E2F6: variants seen among roughly 807,000 people sequenced by gnomAD.
E2F6 encodes E2F transcription factor 6, also known as transcription factor E2F6.
E2F6 carries 19 observed loss-of-function variants against 31.5 expected under a neutral mutation model. The observed-to-expected ratio is 0.60, with a 90% CI of 0.42 to 0.89. The LOEUF (loss-of-function observed/expected upper bound fraction) is 0.89, where lower values mean the gene tolerates loss of function less well. Among genes scored for constraint, E2F6 ranks in the 40% least tolerant of loss-of-function variants. The pLI is 0.00. For missense variants in E2F6, 269 were observed against 341.6 expected (o/e 0.79, Z 1.67); for synonymous variants, 121 against 127.7 (o/e 0.95, Z 0.36).
intron 1 of E2F6, among the ~76,000 whole-genome samples, chr2:11,462,326 T>TATAC (rs936521971): frequency 1.3e-5 from 2 of 152,212 alleles, no homozygotes; most frequent in Admixed American, 1.3e-4. Flanking sequence ...TATTTTTTCG[T>TATAC]ATACATACAT....
At chr2:11,461,281 T>C (rs1189846018) in intron 1 of E2F6, among the ~76,000 whole-genome samples, 2 of 152,212 alleles carry the variant, frequency 1.3e-5, no homozygotes, top group Non-Finnish European at 2.9e-5. Flanking sequence ...GACCCCACTC[T>C]TTCCCAACCA....
intron 1 of E2F6, among the ~76,000 whole-genome samples, chr2:11,464,726 G>A (rs905520261): frequency 6.6e-6 from 1 of 152,058 alleles, no homozygotes; most frequent in Non-Finnish European, 1.5e-5. Context: ...GCAAGCCGGC[G>A]TTACATGCAT....
chr2:11,454,349 T>C (rs1309829548), intron 2 of E2F6, among the ~76,000 whole-genome samples: 1 of 149,814 alleles, frequency 6.7e-6, no homozygotes, highest in Non-Finnish European at 1.5e-5. Flanking sequence ...GTGGTATCTC[T>C]CTCTTTTTTT....
chr2:11,448,080 A>G (rs1194523499), intron 5 of E2F6, among the ~76,000 whole-genome samples: 1 of 152,186 alleles, frequency 6.6e-6, no homozygotes, highest in African/African-American at 2.4e-5. Context: ...AGAATACCCT[A>G]GAGTCTCACA....
chr2:11,459,679 C>G (rs7584175), intron 1 of E2F6, among the ~76,000 whole-genome samples: 44,999 of 151,732 alleles, frequency 0.3, 8,236 homozygotes, highest in East Asian at 0.61. Flanking sequence ...GTCAGGAGTT[C>G]AAGACCAGCC....
At chr2:11,457,325 T>A (rs1671468492) in intron 1 of E2F6, 92 bp from the exon 2 acceptor site, 2 of 816,456 alleles carry the variant, frequency 2.4e-6, no homozygotes, top group Non-Finnish European at 4.0e-6. Context: ...GGTCTGGGAA[T>A]ATGAATATGA....
intron 1 of E2F6, among the ~76,000 whole-genome samples, chr2:11,459,306 A>C (rs1671615697): frequency 6.6e-6 from 1 of 152,146 alleles, no homozygotes; most frequent in African/African-American, 2.4e-5. Context: ...TCTCTGCTAC[A>C]CACCTCCCTA....
Position 11,447,650 on chromosome 2 carries a change from G to A in E2F6, c.776C>T (p.Thr259Ile), listed in dbSNP as rs1670801752. 2.5e-6 allele frequency: 4 copies of A among 1,611,972 alleles called. No homozygotes were observed. Among genetic ancestry groups the A allele is most frequent in the Non-Finnish European group, 3.4e-6 (4 of 1,179,866 alleles). ...ACCTTCCTCAGGGCCTTCTGGATGAGTGCTCTCAGATGAAGAGGTCCCGAC... is the reference window on the plus strand; with the variant it reads ...ACCTTCCTCAGGGCCTTCTGGATGAATGCTCTCAGATGAAGAGGTCCCGAC... Reference protein sequence around the residue: ...EGVGTSSSESTHPEGPEEEEN... With the variant: ...EGVGTSSSESIHPEGPEEEEN... The change falls in exon 6 of 7, where the codon ACT (threonine) becomes ATT (isoleucine). Residue 259 changes from threonine to isoleucine, a missense_variant. Coordinates refer to ENST00000381525, the MANE Select transcript of E2F6 (RefSeq NM_198256.4).
intron 4 of E2F6, 46 bp from the exon 5 acceptor site, chr2:11,450,172 G>A: frequency 7.6e-7 from 1 of 1,319,996 alleles, no homozygotes; most frequent in South Asian, 1.3e-5. Flanking sequence ...GTTTACTGGG[G>A]AGGTAATTTA....
intron 1 of E2F6, among the ~76,000 whole-genome samples, chr2:11,462,739 C>A (rs1382713124): frequency 6.6e-6 from 1 of 152,190 alleles, no homozygotes; most frequent in African/African-American, 2.4e-5. Context: ...AGCATGGGAA[C>A]TCTGGACAAA....
At chr2:11,458,795 G>T (rs147551881) in intron 1 of E2F6, among the ~76,000 whole-genome samples, 1 of 152,256 alleles carries the variant, frequency 6.6e-6, no homozygotes. Flanking sequence ...TACTCCCATT[G>T]AGACAGAATC....
intron 1 of E2F6, among the ~76,000 whole-genome samples, chr2:11,464,843 T>C (rs1013880905): frequency 6.6e-6 from 1 of 152,088 alleles, no homozygotes; most frequent in Admixed American, 6.6e-5. Context: ...TCACAAACTA[T>C]TTGGTAGGGG....
At chr2:11,460,154 A>G (rs981384115) in intron 1 of E2F6, among the ~76,000 whole-genome samples, 2 of 152,200 alleles carry the variant, frequency 1.3e-5, no homozygotes, top group Admixed American at 6.5e-5. Flanking sequence ...AAAAAAAAAT[A>G]AAAGATGAAG....
Position 11,465,832 on chromosome 2 carries a change from G to A in E2F6, c.48C>T (p.Asp16=), listed in dbSNP as rs1006347100. Residue 16 remains aspartate (D), a synonymous_variant, in exon 1 of 7, where the codon GAC becomes GAT. Transcript: ENST00000381525. ...GACGGCGAACCGTCTCCTCCGTCGG[G>A]TCCAGGAGGAGACTGGGTAACTTCC... ...PARKLPSLLL[D]PTEETVRRRC... 6.3e-7 allele frequency: 1 copy of A among 1,593,714 alleles called. No individual in the cohort carries two copies.
At position 11,466,089 on chromosome 2, in the gene E2F6, A is replaced by G. The variant is rs1393737958; in HGVS notation, c.-210T>C. Reference sequence around the variant, plus strand: ...ACGTGCCCGGGAGCTCCCGACGCAGACGGAAAAAGAGGAGGGAGACCCGCG... The same window carrying G: ...ACGTGCCCGGGAGCTCCCGACGCAGGCGGAAAAAGAGGAGGGAGACCCGCG... On this transcript the variant is annotated 5_prime_UTR_variant, in exon 1 of 7. Coordinates refer to ENST00000381525, the MANE Select transcript of E2F6 (RefSeq NM_198256.4). 2.0e-6 allele frequency: 1 copy of G among 510,338 alleles called. No homozygotes were observed. The highest frequency in any genetic ancestry group is 3.4e-6 in the Non-Finnish European group (1 of 292,736). The allele number at this position is 510,338 out of a possible 1,614,324, so 31.6% of individuals were successfully genotyped here.
intron 3 of E2F6, among the ~76,000 whole-genome samples, chr2:11,452,611 A>G (rs1475233748): frequency 6.6e-6 from 1 of 151,954 alleles, no homozygotes; most frequent in Non-Finnish European, 1.5e-5. Flanking sequence ...CTCAAAAGAA[A>G]AAAAAAAAAA....
chr2:11,463,727 G>A (rs1262142561), intron 1 of E2F6, among the ~76,000 whole-genome samples: 1 of 152,154 alleles, frequency 6.6e-6, no homozygotes, highest in Non-Finnish European at 1.5e-5. Flanking sequence ...TGAGGTGAGA[G>A]GACTGCTTGA....
chr2:11,446,411 T>A lies in E2F6; in HGVS notation c.*66A>T, dbSNP rs1012750737. Reference sequence around the variant, plus strand: ...TAATTTATTGCTCTGAGAATCAAATTTGATGCGTAATTCTCCACGAAGATA... The same window carrying A: ...TAATTTATTGCTCTGAGAATCAAATATGATGCGTAATTCTCCACGAAGATA... On this transcript the variant is annotated 3_prime_UTR_variant, in exon 7 of 7. Coordinates refer to ENST00000381525, the MANE Select transcript of E2F6 (RefSeq NM_198256.4). 2 of 1,214,926 alleles carry A rather than the reference T, an allele frequency of 1.6e-6. No homozygotes were observed. Among genetic ancestry groups the A allele is most frequent in the Non-Finnish European group, 2.4e-6 (2 of 823,000 alleles). The allele number at this position is 1,214,926 out of a possible 1,614,324, so 75.3% of individuals were successfully genotyped here.
At chr2:11,461,111 C>T (rs1671750229) in intron 1 of E2F6, among the ~76,000 whole-genome samples, 2 of 152,134 alleles carry the variant, frequency 1.3e-5, no homozygotes, top group South Asian at 2.1e-4. Context: ...TTACTATCTC[C>T]ACAGGCAATG....
Sources: gnomAD v4.1 joint callset for allele counts (sites outside exome capture counted in the v4.1 genomes callset) on GRCh38, gnomAD v4.1.1 for gene constraint, MANE v1.5 for transcripts, NCBI Gene and HGNC (gene_info 2026-07-23, HGNC 2026-07-21) for gene names.